MED12L: variants seen among roughly 807,000 people sequenced by gnomAD.
The protein encoded by MED12L is mediator complex subunit 12L.
A neutral mutation model predicts 281.3 loss-of-function variants in MED12L; 60 were observed. The observed-to-expected ratio is 0.21, with a 90% CI of 0.17 to 0.26. The LOEUF is 0.26. MED12L is among the 10% of genes least tolerant of loss of function. The pLI is 1.00. For synonymous variants in MED12L, 974 were observed against 987.2 expected (o/e 0.99, Z 0.25); for missense variants, 2,146 against 2,680.9 (o/e 0.80, Z 4.41).
chr3:151,242,127 C>A (rs1314727015), intron 16 of MED12L, among the ~76,000 whole-genome samples: 2 of 152,172 alleles, frequency 1.3e-5, no homozygotes, highest in East Asian at 3.9e-4. Flanking sequence ...GGTCCTACGC[C>A]CATGGAGTCT....
At chr3:151,109,159 G>T (rs1458386727) in intron 2 of MED12L, among the ~76,000 whole-genome samples, 1 of 151,924 alleles carries the variant, frequency 6.6e-6, no homozygotes, top group African/African-American at 2.4e-5. Flanking sequence ...CCGGGTTCAA[G>T]TGATTCTCCT....
chr3:151,407,095 C>T (rs1716403705), intron 39 of MED12L, among the ~76,000 whole-genome samples: 1 of 152,212 alleles, frequency 6.6e-6, no homozygotes, highest in South Asian at 2.1e-4. Context: ...GCCACCGCAC[C>T]TGCCCAGTTC....
chr3:151,198,417 A>G, intron 16 of MED12L: 2 of 1,581,524 alleles, frequency 1.3e-6, no homozygotes, highest in Non-Finnish European at 8.6e-7. Context: ...AGCACAAAAA[A>G]TCCTGTCTTT....
chr3:151,320,105 C>T (rs1748818108), intron 16 of MED12L, among the ~76,000 whole-genome samples: 1 of 152,080 alleles, frequency 6.6e-6, no homozygotes, highest in Admixed American at 6.6e-5. Flanking sequence ...TTTTTCCTCC[C>T]TTCTTTCTTT....
chr3:151,301,068 T>G (rs1745852674), intron 16 of MED12L, among the ~76,000 whole-genome samples: 1 of 152,192 alleles, frequency 6.6e-6, no homozygotes, highest in Non-Finnish European at 1.5e-5. Flanking sequence ...CGGTATGTGG[T>G]ACACAGCAGA....
chr3:151,296,451 A>G (rs1177299040), intron 16 of MED12L, among the ~76,000 whole-genome samples: 1 of 152,184 alleles, frequency 6.6e-6, no homozygotes, highest in African/African-American at 2.4e-5. Flanking sequence ...TGAGCATGGC[A>G]GGGACACCAA....
At chr3:151,350,435 A>G (rs1247033512) in intron 17 of MED12L, among the ~76,000 whole-genome samples, 1 of 152,030 alleles carries the variant, frequency 6.6e-6, no homozygotes, top group Non-Finnish European at 1.5e-5. Context: ...ATATTATTTT[A>G]TTAAAATATT....
At chr3:151,170,168 A>G (rs1193665348) in intron 11 of MED12L, among the ~76,000 whole-genome samples, 1 of 152,174 alleles carries the variant, frequency 6.6e-6, no homozygotes, top group Non-Finnish European at 1.5e-5. Flanking sequence ...GACTGTGGTC[A>G]TGAGAGTGGG....
intron 16 of MED12L, among the ~76,000 whole-genome samples, chr3:151,329,982 T>G (rs1000193151): frequency 1.3e-5 from 2 of 152,210 alleles, no homozygotes; most frequent in South Asian, 4.1e-4. Flanking sequence ...TGACTTAGTC[T>G]TCTGGTTTGG....
intron 5 of MED12L, among the ~76,000 whole-genome samples, chr3:151,148,485 A>G (rs1718031306): frequency 6.6e-6 from 1 of 152,214 alleles, no homozygotes; most frequent in South Asian, 2.1e-4. Flanking sequence ...CACCAACGTC[A>G]GGCTGGTTAA....
chr3:151,127,731 C>CA (rs1714739371), intron 4 of MED12L, 94 bp from the exon 5 acceptor site: 1 of 859,804 alleles, frequency 1.2e-6, no homozygotes, highest in Non-Finnish European at 1.8e-6. Context: ...AGGTAACTTA[C>CA]AGACTCTTTC....
intron 16 of MED12L, among the ~76,000 whole-genome samples, chr3:151,248,472 A>G (rs1364265043): frequency 6.6e-6 from 1 of 152,134 alleles, no homozygotes. Flanking sequence ...TTCGTTCTTT[A>G]TTGGACTGTC....
At chr3:151,371,858 C>G (rs963890104) in intron 26 of MED12L, among the ~76,000 whole-genome samples, 1 of 152,166 alleles carries the variant, frequency 6.6e-6, no homozygotes, top group African/African-American at 2.4e-5. Context: ...TCTAGCTATT[C>G]AGACATTCTG....
intron 33 of MED12L, among the ~76,000 whole-genome samples, chr3:151,383,271 G>A (rs1187401712): frequency 6.6e-6 from 1 of 152,152 alleles, no homozygotes; most frequent in Non-Finnish European, 1.5e-5. Context: ...TGATACTTTT[G>A]CAGTTGTTTC....
At chr3:151,382,278 A>G (rs1207775584) in intron 32 of MED12L, among the ~76,000 whole-genome samples, 3 of 152,210 alleles carry the variant, frequency 2.0e-5, no homozygotes, top group Non-Finnish European at 4.4e-5. Context: ...GCAAGTCCCT[A>G]GAAATATAAC....
At position 151,434,338 on chromosome 3, in the gene MED12L, CA is replaced by C. The variant is rs1328355220; in HGVS notation, c.*1537del. On this transcript the variant is annotated 3_prime_UTR_variant, in exon 45 of 45. Coordinates refer to ENST00000687756, the MANE Select transcript of MED12L (RefSeq NM_001393769.1). ...TACTCATTGCAAAGTTTGACTCATG[CA>C]AATGACCTCAAATACATGTCAGCTT... 1 of 152,094 alleles carries C rather than the reference CA, an allele frequency of 6.6e-6. No individual in the cohort carries two copies. The highest frequency in any genetic ancestry group is 1.5e-5 in the Non-Finnish European group (1 of 68,030). The allele number at this position is 152,094 out of a possible 1,614,324, so 9.4% of individuals were successfully genotyped here.
chr3:151,413,863 C>T (rs1042269882), intron 42 of MED12L, among the ~76,000 whole-genome samples: 2 of 149,320 alleles, frequency 1.3e-5, no homozygotes, highest in Admixed American at 6.8e-5. Flanking sequence ...AGGGTTCTTC[C>T]CCTTGATACA....
chr3:151,342,655 TCACTTCAGA>T (rs1752016152), intron 16 of MED12L, among the ~76,000 whole-genome samples: 1 of 152,180 alleles, frequency 6.6e-6, no homozygotes, highest in South Asian at 2.1e-4. Context: ...TTAATATCAG[TCACTTCAGA>T]CACATAATAA....
intron 28 of MED12L, among the ~76,000 whole-genome samples, chr3:151,376,465 G>C: frequency 6.6e-6 from 1 of 152,176 alleles, no homozygotes; most frequent in East Asian, 1.9e-4. Context: ...ATGCTTCAGA[G>C]AGGGGCTATG....
Sources: allele counts gnomAD v4.1 joint callset (sites outside exome capture counted in the v4.1 genomes callset), GRCh38; gene constraint gnomAD v4.1.1; transcripts MANE v1.5; gene names NCBI Gene and HGNC (gene_info 2026-07-23, HGNC 2026-07-21).